Variants in FMO1 observed in about 807,000 individuals in gnomAD.
FMO1 encodes the protein flavin containing dimethylaniline monoxygenase 1.
A neutral mutation model predicts 45.4 loss-of-function variants in FMO1; 36 were observed. That is an observed-to-expected ratio of 0.79 (90% confidence interval 0.61 to 1.05). The LOEUF (loss-of-function observed/expected upper bound fraction) is 1.05. Among genes scored for constraint, FMO1 ranks in the 50% least tolerant of loss-of-function variants. The probability of loss-of-function intolerance (pLI) is 0.00; values close to 1 mark genes in which losing one functional copy is unlikely to be tolerated. For missense variants in FMO1, 615 were observed against 640.3 expected, an observed-to-expected ratio of 0.96 and a Z score of 0.43; for synonymous variants, 228 against 227.2, an observed-to-expected ratio of 1.00 and a Z score of -0.03.
Position 171,285,532 on chromosome 1 carries a change from G to C in FMO1, c.1587G>C (p.Leu529=). The part of the protein sequence containing the change: ...SFLALLVAIF[L]IFL ...TGGCTTTGCTTGTGGCTATTTTTCT[G>C]ATTTTCCTATAAGTAAAAGATCTCC... Residue 529 remains leucine, a synonymous_variant, in exon 9 of 9, where the codon CTG becomes CTC. Coordinates refer to ENST00000617670, the MANE Select transcript of FMO1 (RefSeq NM_001282693.2). 2 of 1,504,090 alleles carry C rather than the reference G, an allele frequency of 1.3e-6. No homozygotes were observed. The highest frequency in any genetic ancestry group is 1.8e-6 in the Non-Finnish European group (2 of 1,126,092). The allele number at this position is 1,504,090 out of a possible 1,614,324, so 93.2% of individuals were successfully genotyped here. A position where few individuals can be genotyped will look rare whatever the true frequency, so the allele number is the denominator to read the frequency against.
chr1:171,284,637 CA>C (rs1196440246), intron 8 of FMO1, among the ~76,000 whole-genome samples: 1 of 150,826 alleles, frequency 6.6e-6, no homozygotes, highest in Non-Finnish European at 1.5e-5. Context: ...ATTCCTAAGC[CA>C]GGAGGATCGC....
chr1:171,248,730 C>G (rs1222851218), intron 1 of FMO1, 107 bp downstream of exon 1: 1 of 152,022 alleles, frequency 6.6e-6, no homozygotes. Context: ...TATCAGAAAG[C>G]AGCTTTCTCT....
Position 171,258,084 on chromosome 1 carries a change from G to T in FMO1, c.-4G>T. The T allele has an allele frequency of 6.2e-7, 1 of 1,614,114 alleles. No individual in the cohort carries two copies. The highest frequency in any genetic ancestry group is 8.5e-7 in the Non-Finnish European group (1 of 1,180,008). ...CCTGCTTCATCTTCCTCATGCAGGAGAACATGGCCAAGCGAGTTGCCATTG... is the reference window on the plus strand; with the variant it reads ...CCTGCTTCATCTTCCTCATGCAGGATAACATGGCCAAGCGAGTTGCCATTG... On this transcript the variant is annotated splice_region_variant and 5_prime_UTR_variant, in exon 2 of 9. Coordinates refer to ENST00000617670, the MANE Select transcript of FMO1 (RefSeq NM_001282693.2).
intron 6 of FMO1, among the ~76,000 whole-genome samples, chr1:171,281,226 A>G (rs1343132994): frequency 6.6e-6 from 1 of 152,220 alleles, no homozygotes; most frequent in Non-Finnish European, 1.5e-5. Context: ...GGAGAAACTG[A>G]AACAGCAAAA....
At chr1:171,271,101 T>C in intron 3 of FMO1, 1 of 883,320 alleles carries the variant, frequency 1.1e-6, no homozygotes, top group South Asian at 1.4e-5. Context: ...TCCCTTTAGC[T>C]CAATATGCAG....
At chr1:171,281,499 C>T (rs531824906) in intron 6 of FMO1, among the ~76,000 whole-genome samples, 1 of 152,310 alleles carries the variant, frequency 6.6e-6, no homozygotes, top group Admixed American at 6.5e-5. Context: ...AAGATCAGCT[C>T]ACAAAGTGTT....
At chr1:171,280,542 GATA>G (rs1357125283) in intron 5 of FMO1, among the ~76,000 whole-genome samples, 4 of 152,158 alleles carry the variant, frequency 2.6e-5, no homozygotes, top group Non-Finnish European at 5.9e-5. Flanking sequence ...AAGGCTGGCA[GATA>G]ATAAGTATTC....
intron 2 of FMO1, among the ~76,000 whole-genome samples, chr1:171,261,321 G>GCA (rs71561567): frequency 0.01 from 1,539 of 147,998 alleles, 10 homozygotes; most frequent in Middle Eastern, 0.017. Flanking sequence ...ACACACACAG[G>GCA]CACACACACA....
chr1:171,279,400 A>T (rs902867515), intron 5 of FMO1, among the ~76,000 whole-genome samples: 1 of 152,172 alleles, frequency 6.6e-6, no homozygotes, highest in Non-Finnish European at 1.5e-5. Context: ...AAAACAAGCC[A>T]CTGAAGTAGG....
intron 2 of FMO1, 34 bp from the exon 3 acceptor site, chr1:171,267,509 A>G: frequency 1.3e-6 from 2 of 1,507,106 alleles, no homozygotes; most frequent in African/African-American, 2.8e-5. Context: ...ATGAGCATGC[A>G]ATGAATGTTC....
At chr1:171,267,232 A>C (rs1287881574) in intron 2 of FMO1, among the ~76,000 whole-genome samples, 2 of 152,198 alleles carry the variant, frequency 1.3e-5, no homozygotes, top group African/African-American at 4.8e-5. Flanking sequence ...AAGTGATATG[A>C]ATCACTTCTA....
At chr1:171,271,214 C>A in intron 3 of FMO1, 2 of 900,972 alleles carry the variant, frequency 2.2e-6, no homozygotes, top group Non-Finnish European at 3.7e-6. Flanking sequence ...AGTTTCTTCA[C>A]GACATCACTA....
chr1:171,271,451 T>C (rs1660861218), intron 3 of FMO1: 3 of 985,876 alleles, frequency 3.0e-6, no homozygotes, highest in Admixed American at 1.7e-5. Context: ...TCCACCTCTC[T>C]GAGCCTTTCT....
chr1:171,271,174 TCTG>T (rs1307163896), intron 3 of FMO1: 1 of 857,002 alleles, frequency 1.2e-6, no homozygotes, highest in African/African-American at 1.7e-5. Flanking sequence ...CTGCTTGTCT[TCTG>T]CAGCAGTGTT....
chr1:171,265,390 CA>C (rs1350325480), intron 2 of FMO1, among the ~76,000 whole-genome samples: 4 of 120,536 alleles, frequency 3.3e-5, no homozygotes, highest in Admixed American at 8.8e-5. Context: ...GGCTCCGTCT[CA>C]AAAAAAGAAA....
chr1:171,285,178 TC>T (rs1558021726), intron 8 of FMO1, 23 bp from the exon 9 acceptor site: 1 of 1,472,580 alleles, frequency 6.8e-7, no homozygotes, highest in Non-Finnish European at 9.2e-7. Flanking sequence ...CTTCACCTTT[TC>T]CCCCAATCTT....
At chr1:171,267,979 A>C (rs1489880140) in intron 3 of FMO1, among the ~76,000 whole-genome samples, 5 of 152,366 alleles carry the variant, frequency 3.3e-5, no homozygotes, top group African/African-American at 1.2e-4. Flanking sequence ...CAAGTATCTT[A>C]GGGAACCTAA....
At position 171,275,035 on chromosome 1, in the gene FMO1, A is replaced by G. The variant is rs545126218; in HGVS notation, c.322-311A>G. On this transcript the variant is annotated intron_variant, in intron 3 of 8. Coordinates refer to ENST00000617670, the MANE Select transcript of FMO1 (RefSeq NM_001282693.2). ...CCTGTGAGAAATGAGGTTGCATAACAGAAAGGATAATGAAAAAGGCATCAG... is the reference window on the plus strand; with the variant it reads ...CCTGTGAGAAATGAGGTTGCATAACGGAAAGGATAATGAAAAAGGCATCAG... Among the ~76,000 whole-genome samples the G allele has an allele frequency of 2.6e-5, 4 of 152,374 alleles. 1 individual carries two copies. The East Asian group carries it at 7.7e-4, about 29-fold the overall frequency.
At chr1:171,258,488 G>A (rs1188058792) in intron 2 of FMO1, among the ~76,000 whole-genome samples, 1 of 152,194 alleles carries the variant, frequency 6.6e-6, no homozygotes, top group Non-Finnish European at 1.5e-5. Context: ...GAAGAGAATG[G>A]AGTAACTGGG....
Sources: allele counts gnomAD v4.1 joint callset (sites outside exome capture counted in the v4.1 genomes callset), GRCh38; gene constraint gnomAD v4.1.1; transcripts MANE v1.5; gene names NCBI Gene and HGNC (gene_info 2026-07-23, HGNC 2026-07-21).